Variants in UPF3A observed in about 807,000 individuals in gnomAD.
UPF3A encodes the protein regulator of nonsense transcripts 3A.
UPF3A carries 42 observed loss-of-function variants against 53.5 expected under a neutral mutation model. The ratio of observed to expected loss-of-function variants is 0.78; its 90% CI spans 0.61 to 1.01. UPF3A has a LOEUF of 1.01. Ranked by LOEUF, UPF3A falls within the 50% of genes least tolerant of loss-of-function variation. The probability of loss-of-function intolerance (pLI) is 0.00; values close to 1 mark genes in which losing one functional copy is unlikely to be tolerated. For missense variants in UPF3A, 575 were observed against 598.0 expected (o/e 0.96, Z 0.40); for synonymous variants, 237 against 225.3 (o/e 1.05, Z -0.47).
At position 114,282,017 on chromosome 13, in the gene UPF3A, G is replaced by A. The variant is rs754864572; in HGVS notation, c.208-4G>A. 6.5e-7 allele frequency: 1 copy of A among 1,550,272 alleles called. No homozygotes were observed. Among genetic ancestry groups the A allele is most frequent in the Non-Finnish European group, 8.7e-7 (1 of 1,149,670 alleles). ...CGGTGGGAACGGCCGCGCGCTCCCC[G>A]CAGGTGGTCATCCGCCGCCTGCCTC... On this transcript the variant is annotated splice_polypyrimidine_tract_variant and splice_region_variant and intron_variant, in intron 1 of 9. Coordinates refer to ENST00000375299, the MANE Select transcript of UPF3A (RefSeq NM_023011.4).
At chr13:114,281,973 C>G (rs1319239179) in intron 1 of UPF3A, 48 bp from the exon 2 acceptor site, 1 of 1,515,786 alleles carries the variant, frequency 6.6e-7, no homozygotes, top group Non-Finnish European at 8.9e-7. Flanking sequence ...CTTTTGAGCT[C>G]CTTGTCCACG....
chr13:114,300,621 C>T (rs934041465), intron 8 of UPF3A, among the ~76,000 whole-genome samples: 1 of 151,970 alleles, frequency 6.6e-6, no homozygotes, highest in African/African-American at 2.4e-5. Context: ...CTCACCACAA[C>T]CTCTGCCTCC....
At chr13:114,298,590 CTTTA>C (rs2086288882) in intron 7 of UPF3A, among the ~76,000 whole-genome samples, 1 of 152,104 alleles carries the variant, frequency 6.6e-6, no homozygotes, top group African/African-American at 2.4e-5. Context: ...TTTTTTAGCC[CTTTA>C]TTCATTACGT....
intron 3 of UPF3A, 108 bp from the exon 4 acceptor site, chr13:114,286,194 T>C (rs1594761735): frequency 3.8e-6 from 5 of 1,317,436 alleles, no homozygotes; most frequent in Non-Finnish European, 5.2e-6. Context: ...ATAGTAATAA[T>C]GCATTGTCGT....
chr13:114,301,355 C>T (rs956452347), intron 8 of UPF3A, among the ~76,000 whole-genome samples: 2 of 151,270 alleles, frequency 1.3e-5, no homozygotes, highest in Non-Finnish European at 2.9e-5. Context: ...CCCAGCTACT[C>T]GGGAGGCTGA....
intron 8 of UPF3A, among the ~76,000 whole-genome samples, chr13:114,301,464 GAA>G (rs201804984): frequency 5.2e-5 from 6 of 115,062 alleles, no homozygotes; most frequent in East Asian, 4.6e-4. Flanking sequence ...CTCCATCTCA[GAA>G]AAAAAAAAAA....
At position 114,291,358 on chromosome 13, in the gene UPF3A, G is replaced by A. The variant is rs573616986; in HGVS notation, c.632-131G>A. The A allele has an allele frequency of 5.8e-4, 509 of 883,006 alleles. 2 individuals are homozygous for A. The highest frequency in any genetic ancestry group is 7.6e-4 in the Non-Finnish European group (463 of 609,488). 54.7% of individuals were successfully genotyped at this position (883,006 alleles called of 1,614,324 possible). On this transcript the variant is annotated intron_variant, in intron 5 of 9. Coordinates refer to ENST00000375299, the MANE Select transcript of UPF3A (RefSeq NM_023011.4). The stretch of plus-strand genomic sequence containing the variant: ...CAGTAATGGAATAAAAACTCCCCTG[G>A]AGACAGTGTGTAAATTTAAAAAGTA...
At chr13:114,300,593 G>A (rs56259386) in intron 8 of UPF3A, among the ~76,000 whole-genome samples, 4,224 of 151,288 alleles carry the variant, frequency 0.028, 206 homozygotes, top group African/African-American at 0.098. Context: ...AGGTTGGAGT[G>A]CAATGGTGCG....
chr13:114,304,694 C>T, intron 9 of UPF3A, 95 bp from the exon 10 acceptor site: 1 of 1,496,428 alleles, frequency 6.7e-7, no homozygotes, highest in Non-Finnish European at 9.0e-7. Flanking sequence ...TTTCTTTGGA[C>T]AATTCATATC....
At chr13:114,281,894 C>T (rs937751980) in intron 1 of UPF3A, 48 bp downstream of exon 1, 1 of 811,148 alleles carries the variant, frequency 1.2e-6, no homozygotes, top group Non-Finnish European at 1.7e-6. Context: ...GAGGACGGCC[C>T]TGAGTGGAGG....
At chr13:114,286,145 T>C (rs2084665115) in intron 3 of UPF3A, 157 bp from the exon 4 acceptor site, 4 of 1,002,538 alleles carry the variant, frequency 4.0e-6, no homozygotes, top group Non-Finnish European at 5.6e-6. Context: ...TTTTAATCTT[T>C]TTTTTAATCT....
At chr13:114,297,374 A>C (rs913840590) in intron 7 of UPF3A, among the ~76,000 whole-genome samples, 1 of 152,250 alleles carries the variant, frequency 6.6e-6, no homozygotes, top group Non-Finnish European at 1.5e-5. Flanking sequence ...GAAAGAGAAT[A>C]ATCAGTGTTT....
intron 9 of UPF3A, 67 bp from the exon 10 acceptor site, chr13:114,304,722 T>C (rs1367960865): frequency 7.1e-6 from 11 of 1,558,364 alleles, no homozygotes; most frequent in South Asian, 1.2e-5. Flanking sequence ...TCTAGAAATA[T>C]AGGGAGATAT....
intron 5 of UPF3A, among the ~76,000 whole-genome samples, chr13:114,289,057 A>G (rs2085019692): frequency 6.6e-6 from 1 of 151,988 alleles, no homozygotes; most frequent in Non-Finnish European, 1.5e-5. Flanking sequence ...AGAGGGGGGC[A>G]TGTCCTGGCA....
At chr13:114,283,415 ATTAT>A (rs796996690) in intron 3 of UPF3A, 1 of 152,318 alleles carries the variant, frequency 6.6e-6, no homozygotes, top group Non-Finnish European at 1.5e-5. Context: ...AAAAATTGAA[ATTAT>A]TTAATTTTAT....
chr13:114,294,101 A>C (rs1327472547), intron 7 of UPF3A, among the ~76,000 whole-genome samples: 1 of 152,120 alleles, frequency 6.6e-6, no homozygotes, highest in Non-Finnish European at 1.5e-5. Flanking sequence ...GCTTTTAATA[A>C]GTATCTGTGC....
chr13:114,292,090 CTTTT>C (rs745358460), intron 7 of UPF3A, among the ~76,000 whole-genome samples: 12 of 133,710 alleles, frequency 9.0e-5, no homozygotes, highest in Admixed American at 4.6e-4. Flanking sequence ...TGCTGACGCT[CTTTT>C]TTTTTTTTTT....
intron 7 of UPF3A, among the ~76,000 whole-genome samples, chr13:114,296,004 G>A (rs1369428805): frequency 1.3e-5 from 2 of 152,238 alleles, no homozygotes; most frequent in African/African-American, 4.8e-5. Context: ...GCCTCCGAGA[G>A]GGCAGAGGGC....
chr13:114,283,695 G>C, intron 3 of UPF3A: 1 of 926,920 alleles, frequency 1.1e-6, no homozygotes, highest in Non-Finnish European at 1.3e-6. Flanking sequence ...TTTGCCTGCG[G>C]AGACAGCAGT....
Sources: gnomAD v4.1 joint callset for allele counts (sites outside exome capture counted in the v4.1 genomes callset) on GRCh38, gnomAD v4.1.1 for gene constraint, MANE v1.5 for transcripts, NCBI Gene and HGNC (gene_info 2026-07-23, HGNC 2026-07-21) for gene names.